Variants in ANKRD31 observed in about 807,000 individuals in gnomAD.
ANKRD31 encodes ankyrin repeat domain 31, also known as ankyrin repeat domain-containing protein 31.
In ANKRD31, 147 loss-of-function variants were observed where a neutral mutation model predicts 186.0. The observed-to-expected ratio is 0.79, with a 90% CI of 0.69 to 0.91. The LOEUF (loss-of-function observed/expected upper bound fraction) is 0.91, where lower values mean the gene tolerates loss of function less well. Among genes scored for constraint, ANKRD31 ranks in the 40% least tolerant of loss-of-function variants. The pLI is 0.00. For missense variants in ANKRD31, 1,986 were observed against 2,148.8 expected, an observed-to-expected ratio of 0.92 and a Z score of 1.50; for synonymous variants, 673 against 736.4, an observed-to-expected ratio of 0.91 and a Z score of 1.39.
intron 10 of ANKRD31, among the ~76,000 whole-genome samples, chr5:75,180,135 T>A (rs893042125): frequency 6.6e-6 from 1 of 152,256 alleles, no homozygotes; most frequent in African/African-American, 2.4e-5. Context: ...CATTCAAAAT[T>A]GCTTCAAAGA....
chr5:75,124,118 T>C (rs946379788), intron 17 of ANKRD31, among the ~76,000 whole-genome samples: 1 of 151,992 alleles, frequency 6.6e-6, no homozygotes, highest in Non-Finnish European at 1.5e-5. Flanking sequence ...ATTAAAAAAC[T>C]GGCAAAGGAC....
At chr5:75,178,337 T>C (rs987037585) in intron 10 of ANKRD31, among the ~76,000 whole-genome samples, 16 of 152,030 alleles carry the variant, frequency 1.1e-4, no homozygotes, top group Admixed American at 1.3e-4. Flanking sequence ...AGACAGAAAG[T>C]TAACAAGGAT....
intron 17 of ANKRD31, among the ~76,000 whole-genome samples, chr5:75,131,009 G>A (rs576714663): frequency 1.3e-5 from 2 of 152,350 alleles, no homozygotes; most frequent in East Asian, 3.9e-4. Context: ...AAGAGAGAAC[G>A]GTGGTCCATG....
At chr5:75,101,516 G>C (rs190112661) in intron 22 of ANKRD31, among the ~76,000 whole-genome samples, 8 of 152,306 alleles carry the variant, frequency 5.3e-5, no homozygotes, top group African/African-American at 1.9e-4. Flanking sequence ...ATCCTGAAGA[G>C]TGTTTTCCAA....
chr5:75,207,147 G>A (rs1354582509), intron 4 of ANKRD31, among the ~76,000 whole-genome samples: 1 of 152,046 alleles, frequency 6.6e-6, no homozygotes, highest in Non-Finnish European at 1.5e-5. Flanking sequence ...TCTCATTTCA[G>A]CTGTTTTAAG....
At chr5:75,185,608 G>A (rs746926418) in intron 10 of ANKRD31, among the ~76,000 whole-genome samples, 22 of 152,012 alleles carry the variant, frequency 1.4e-4, no homozygotes, top group Admixed American at 4.6e-4. Context: ...TCCTATTGAA[G>A]AGTTGGGTGA....
At chr5:75,171,086 AT>A (rs906938672) in intron 10 of ANKRD31, among the ~76,000 whole-genome samples, 3 of 151,958 alleles carry the variant, frequency 2.0e-5, no homozygotes, top group Admixed American at 2.0e-4. Context: ...CATAAAATCA[AT>A]AAAGATATAG....
chr5:75,228,119 A>G (rs1029872720), intron 2 of ANKRD31, among the ~76,000 whole-genome samples: 6 of 152,200 alleles, frequency 3.9e-5, no homozygotes, highest in Non-Finnish European at 1.5e-5. Context: ...CTTTTGTTTT[A>G]CTATATGGCC....
chr5:75,158,699 G>A (rs1359333898), intron 11 of ANKRD31, among the ~76,000 whole-genome samples: 2 of 152,148 alleles, frequency 1.3e-5, no homozygotes, highest in Non-Finnish European at 2.9e-5. Context: ...AGCTAAGGCA[G>A]GAGGATCACC....
chr5:75,117,819 A>G (rs915390099), intron 18 of ANKRD31, among the ~76,000 whole-genome samples: 2 of 152,062 alleles, frequency 1.3e-5, no homozygotes, highest in African/African-American at 2.4e-5. Flanking sequence ...TTCCAGCCCT[A>G]CTACAACTAA....
chr5:75,128,906 C>A (rs1749487623), intron 17 of ANKRD31, among the ~76,000 whole-genome samples: 1 of 152,066 alleles, frequency 6.6e-6, no homozygotes, highest in Admixed American at 6.5e-5. Context: ...CATTTTGTGA[C>A]CATATGATCT....
At chr5:75,089,400 G>A (rs1745758179) in intron 23 of ANKRD31, among the ~76,000 whole-genome samples, 1 of 152,056 alleles carries the variant, frequency 6.6e-6, no homozygotes, top group Non-Finnish European at 1.5e-5. Flanking sequence ...GGCATTCCTT[G>A]CCTGACCACC....
chr5:75,080,919 TTA>T (rs200354650), intron 24 of ANKRD31, among the ~76,000 whole-genome samples: 5 of 105,880 alleles, frequency 4.7e-5, no homozygotes, highest in Non-Finnish European at 8.5e-5. Context: ...CCACACAAAA[TTA>T]TTTTTTTTTT....
At chr5:75,162,788 C>T (rs749341363) in intron 11 of ANKRD31, among the ~76,000 whole-genome samples, 1 of 152,068 alleles carries the variant, frequency 6.6e-6, no homozygotes, top group Non-Finnish European at 1.5e-5. Flanking sequence ...ACTTAGATAC[C>T]ACAGCCCAGG....
At chr5:75,187,057 T>G (rs1417858164) in intron 10 of ANKRD31, among the ~76,000 whole-genome samples, 9 of 122,876 alleles carry the variant, frequency 7.3e-5, no homozygotes, top group African/African-American at 3.3e-4. Context: ...GTGTGTGTTT[T>G]GGGAGGCAAA....
chr5:75,082,824 G>A (rs1286749872), intron 24 of ANKRD31, among the ~76,000 whole-genome samples: 1 of 152,104 alleles, frequency 6.6e-6, no homozygotes, highest in Non-Finnish European at 1.5e-5. Flanking sequence ...ATTAACTAAG[G>A]TTAAAAATTG....
chr5:75,077,151 C>A (rs1374891479), intron 25 of ANKRD31, among the ~76,000 whole-genome samples: 3 of 152,144 alleles, frequency 2.0e-5, no homozygotes, highest in African/African-American at 7.2e-5. Context: ...TCACTGTAAC[C>A]TCAAACTCCT....
intron 1 of ANKRD31, among the ~76,000 whole-genome samples, chr5:75,233,900 G>A (rs866585655): frequency 4.0e-5 from 6 of 151,760 alleles, no homozygotes; most frequent in Non-Finnish European, 8.8e-5. Context: ...CTGGGTGATA[G>A]AATGAGACTC....
intron 10 of ANKRD31, among the ~76,000 whole-genome samples, chr5:75,179,452 T>C (rs1434439358): frequency 2.6e-5 from 4 of 152,158 alleles, no homozygotes; most frequent in Admixed American, 2.0e-4. Context: ...TTTAGACCAA[T>C]ATCCTTGATG....
Sources: allele counts gnomAD v4.1 joint callset (sites outside exome capture counted in the v4.1 genomes callset), GRCh38; gene constraint gnomAD v4.1.1; transcripts MANE v1.5; gene names NCBI Gene and HGNC (gene_info 2026-07-23, HGNC 2026-07-21).